Variants in LRRTM1 observed in about 807,000 individuals in gnomAD.
LRRTM1 encodes leucine rich repeat transmembrane neuronal 1, also known as leucine-rich repeat transmembrane neuronal protein 1.
Under a neutral mutation model 37.3 loss-of-function variants are expected in LRRTM1, and 8 were observed. That is an observed-to-expected ratio of 0.21 (90% CI 0.13 to 0.39). The LOEUF (loss-of-function observed/expected upper bound fraction) is 0.39. Among genes scored for constraint, LRRTM1 ranks in the 10% least tolerant of loss-of-function variants. LRRTM1 has a pLI of 1.00. For missense variants in LRRTM1, 557 were observed against 691.0 expected, an observed-to-expected ratio of 0.81 and a Z score of 2.17; for synonymous variants, 326 against 316.8, an observed-to-expected ratio of 1.03 and a Z score of -0.31.
rs1187860249 is a variant in LRRTM1, at chr2:80,303,362, G to A, written c.458C>T (p.Ala153Val). 2 of 1,614,104 alleles carry A rather than the reference G, an allele frequency of 1.2e-6. No homozygotes were observed. Among genetic ancestry groups the A allele is most frequent in the Non-Finnish European group, 1.7e-6 (2 of 1,180,038 alleles). The change falls in exon 2 of 2, where the codon GCG (alanine) becomes GTG (valine). Residue 153 changes from alanine (A) to valine (V), a missense_variant. This residue lies in a region of LRRTM1 where 38 missense variants were observed against 72.9 expected (regional missense o/e 0.52). Coordinates refer to ENST00000295057, the MANE Select transcript of LRRTM1 (RefSeq NM_178839.5). The surrounding 1 kb of genome is among the most constrained non-coding windows in gnomAD (Gnocchi z 7.7). ...DLSYNKLQAL[A>V]PDLFHGLRKL... ...CCGCAGCCCGTGGAAGAGGTCGGGC[G>A]CGAGCGCCTGCAGCTTGTTGTACGA... is the stretch of plus-strand genomic sequence containing the variant.
intron 2 of LRRTM1, among the ~76,000 whole-genome samples, chr2:80,290,693 C>A (rs1283477449): frequency 6.6e-6 from 1 of 151,988 alleles, no homozygotes; most frequent in Non-Finnish European, 1.5e-5. Flanking sequence ...GTGGTTTACC[C>A]CAAAAATTAG....
At chr2:80,291,415 C>G (rs541228927) in intron 2 of LRRTM1, among the ~76,000 whole-genome samples, 1 of 152,320 alleles carries the variant, frequency 6.6e-6, no homozygotes, top group East Asian at 1.9e-4. Flanking sequence ...AAATTAGTGT[C>G]AAAGCTGGGA....
intron 2 of LRRTM1, among the ~76,000 whole-genome samples, chr2:80,289,556 T>C (rs1675057155): frequency 6.6e-6 from 1 of 152,228 alleles, no homozygotes; most frequent in South Asian, 2.1e-4. Flanking sequence ...ACATAACATG[T>C]CACTCTACTG....
chr2:80,297,028 C>T (rs958970360), downstream of LRRTM1, among the ~76,000 whole-genome samples: 2 of 152,140 alleles, frequency 1.3e-5, no homozygotes, highest in Non-Finnish European at 2.9e-5. Context: ...TTTAAGGGGT[C>T]GGACTGAATG....
exon 3 of LRRTM1, chr2:80,288,528 C>G (rs1338361032): frequency 6.6e-6 from 1 of 152,166 alleles, no homozygotes; most frequent in African/African-American, 2.4e-5. Flanking sequence ...AAACAGCTGG[C>G]AGTTGTTGAA....
At chr2:80,296,104 G>T (rs1000858571) in intron 2 of LRRTM1, among the ~76,000 whole-genome samples, 1 of 151,746 alleles carries the variant, frequency 6.6e-6, no homozygotes, top group Non-Finnish European at 1.5e-5. Flanking sequence ...AAATTTATGG[G>T]GTACATGAGA....
chr2:80,303,878 T>G lies in LRRTM1; in HGVS notation c.-59A>C. ...TCCATTGGAAGCGCTCGGTCAGAAA[T>G]CTACATCATATTTTATTCCGAGGGA... On this transcript the variant is annotated splice_region_variant and 5_prime_UTR_variant, in exon 2 of 2. Coordinates refer to ENST00000295057, the MANE Select transcript of LRRTM1 (RefSeq NM_178839.5). This position sits in a 1 kb window ranked among gnomAD's most constrained non-coding sequence, Gnocchi z 7.7. 6.8e-7 allele frequency: 1 copy of G among 1,462,508 alleles called. No homozygotes were observed. Among genetic ancestry groups the G allele is most frequent in the South Asian group, 1.6e-5 (1 of 60,784 alleles). The allele number at this position is 1,462,508 out of a possible 1,614,324, so 90.6% of individuals were successfully genotyped here.
At position 80,303,020 on chromosome 2, in the gene LRRTM1, T is replaced by G. The variant is rs1676508898; in HGVS notation, c.800A>C (p.Glu267Ala). Residue 267 changes from glutamate to alanine, a missense_variant, in exon 2 of 2, where the codon GAG becomes GCG. Around this residue, in one of 5 missense-constraint regions of LRRTM1, gnomAD observed 200 missense variants for 249.9 expected, o/e 0.80. Coordinates refer to ENST00000295057, the MANE Select transcript of LRRTM1 (RefSeq NM_178839.5). The surrounding 1 kb of genome is among the most constrained non-coding windows in gnomAD (Gnocchi z 7.7). Reference sequence around the variant, plus strand: ...CACATGGGGCTCCATGTACTCGATCTCGTTGCCCGACAAGTCCATTTTCTC... The same window carrying G: ...CACATGGGGCTCCATGTACTCGATCGCGTTGCCCGACAAGTCCATTTTCTC... ...NLEKMDLSGNEIEYMEPHVFE... is the reference protein window; with the variant it reads ...NLEKMDLSGNAIEYMEPHVFE... 1.2e-6 allele frequency: 2 copies of G among 1,613,668 alleles called. No individual in the cohort carries two copies. Among genetic ancestry groups the G allele is most frequent in the South Asian group, 2.2e-5 (2 of 91,048 alleles).
intron 2 of LRRTM1, among the ~76,000 whole-genome samples, chr2:80,294,035 G>A (rs922508982): frequency 6.6e-6 from 1 of 152,094 alleles, no homozygotes; most frequent in Non-Finnish European, 1.5e-5. Flanking sequence ...AGAAGTTATT[G>A]ATTTGTATAT....
downstream of LRRTM1, chr2:80,298,548 T>A (rs1426874998): frequency 1.3e-5 from 2 of 152,160 alleles, no homozygotes; most frequent in Non-Finnish European, 2.9e-5. Context: ...TGGCCCCTAA[T>A]CCTACCAGAG....
At chr2:80,291,109 C>T (rs1237872186) in intron 2 of LRRTM1, among the ~76,000 whole-genome samples, 1 of 152,154 alleles carries the variant, frequency 6.6e-6, no homozygotes, top group Non-Finnish European at 1.5e-5. Flanking sequence ...ATCTCAATTC[C>T]CTAGTTGCAA....
At chr2:80,298,698 G>A (rs1409067249), downstream of LRRTM1, 1 of 152,222 alleles carries the variant, frequency 6.6e-6, no homozygotes, top group Non-Finnish European at 1.5e-5. Context: ...GAGAGAAAAG[G>A]TTGGGGGCTC....
chr2:80,302,644 G>T lies in LRRTM1; in HGVS notation c.1176C>A (p.Thr392=). 1.2e-6 allele frequency: 2 copies of T among 1,608,446 alleles called. No individual in the cohort carries two copies. The highest frequency in any genetic ancestry group is 1.7e-5 in the Admixed American group (1 of 59,914). The change falls in exon 2 of 2, where the codon ACC becomes ACA. Residue 392 remains threonine, a synonymous_variant. Coordinates refer to ENST00000295057, the MANE Select transcript of LRRTM1 (RefSeq NM_178839.5). This position sits in a 1 kb window ranked among gnomAD's most constrained non-coding sequence, Gnocchi z 6.4. Reference sequence around the variant, plus strand: ...GCCCCTCCCCGCCGTCCGCGAGCGTGGTGGCCGAGCTGGCAGGGGGCCCCA... The same window carrying T: ...GCCCCTCCCCGCCGTCCGCGAGCGTTGTGGCCGAGCTGGCAGGGGGCCCCA... ...SDLGPPASSA[T]TLADGGEGQH...
At chr2:80,299,589 A>G (rs775885320), downstream of LRRTM1, 4 of 152,340 alleles carry the variant, frequency 2.6e-5, no homozygotes, top group South Asian at 8.3e-4. Flanking sequence ...TGAAATGCGT[A>G]TGGACTTAAG....
chr2:80,302,719 G>C lies in LRRTM1; in HGVS notation c.1101C>G (p.Ala367=). ...VYAFHLCEDG[A]EPTSGHLLSA... is the part of the protein sequence containing the mutation. ...AGAGCAGGTGGCCGCTGGTGGGCTC[G>C]GCCCCATCCTCGCACAGGTGGAAGG... The change falls in exon 2 of 2, where the codon GCC becomes GCG. Residue 367 remains alanine, a synonymous_variant. Transcript: ENST00000295057. This position sits in a 1 kb window ranked among gnomAD's most constrained non-coding sequence, Gnocchi z 6.4. 1.2e-6 allele frequency: 2 copies of C among 1,612,888 alleles called. No homozygotes were observed. The highest frequency in any genetic ancestry group is 1.1e-5 in the South Asian group (1 of 91,048).
chr2:80,303,868 C>T lies in LRRTM1; in HGVS notation c.-49G>A, dbSNP rs751326524. 3.4e-6 allele frequency: 5 copies of T among 1,466,316 alleles called. No individual in the cohort carries two copies. Among genetic ancestry groups the T allele is most frequent in the Non-Finnish European group, 4.5e-6 (5 of 1,107,072 alleles). 90.8% of individuals were successfully genotyped at this position (1,466,316 alleles called of 1,614,324 possible). A position where few individuals can be genotyped will look rare whatever the true frequency, so the allele number is the denominator to read the frequency against. On this transcript the variant is annotated 5_prime_UTR_variant, in exon 2 of 2. Coordinates refer to ENST00000295057, the MANE Select transcript of LRRTM1 (RefSeq NM_178839.5). This position sits in a 1 kb window ranked among gnomAD's most constrained non-coding sequence, Gnocchi z 7.7. ...CTGGAGAATGTCCATTGGAAGCGCT[C>T]GGTCAGAAATCTACATCATATTTTA...
intron 2 of LRRTM1, among the ~76,000 whole-genome samples, chr2:80,292,757 T>TA (rs1163204006): frequency 1.3e-5 from 2 of 152,204 alleles, no homozygotes; most frequent in African/African-American, 4.8e-5. Context: ...AATGTTGACT[T>TA]AAGCTCTGAA....
chr2:80,293,122 C>T (rs529271221), intron 2 of LRRTM1, among the ~76,000 whole-genome samples: 3 of 152,180 alleles, frequency 2.0e-5, no homozygotes, highest in Non-Finnish European at 4.4e-5. Context: ...GGAGCAGAGA[C>T]AGTGAGGCAA....
At chr2:80,293,888 A>AGT in intron 2 of LRRTM1, among the ~76,000 whole-genome samples, 1 of 152,210 alleles carries the variant, frequency 6.6e-6, no homozygotes, top group Admixed American at 6.5e-5. Flanking sequence ...CAAAGAAAAG[A>AGT]GTGTCAGGCT....
Sources: gnomAD v4.1 joint callset for allele counts (sites outside exome capture counted in the v4.1 genomes callset) on GRCh38, gnomAD v4.1.1 for gene constraint, gnomAD v4.1.1 regional missense constraint, Gnocchi (gnomAD v3.1) non-coding constraint, MANE v1.5 for transcripts, NCBI Gene and HGNC (gene_info 2026-07-23, HGNC 2026-07-21) for gene names.